Variants in FMO1 observed in about 807,000 individuals in gnomAD.
The protein encoded by FMO1 is flavin-containing monooxygenase 1.
FMO1 carries 36 observed loss-of-function variants against 45.4 expected under a neutral mutation model. That is an observed-to-expected ratio of 0.79 (90% confidence interval 0.61 to 1.05). FMO1 has a LOEUF of 1.05. Ranked by LOEUF, FMO1 falls within the 50% of genes least tolerant of loss-of-function variation. The pLI is 0.00. For synonymous variants in FMO1, 228 were observed against 227.2 expected (o/e 1.00, Z -0.03); for missense variants, 615 against 640.3 (o/e 0.96, Z 0.43).
intron 1 of FMO1, among the ~76,000 whole-genome samples, chr1:171,249,670 T>C (rs1446436306): frequency 6.6e-6 from 1 of 151,634 alleles, no homozygotes; most frequent in African/African-American, 2.4e-5. Context: ...AGTATTTTCA[T>C]GCACTAAGGT....
Position 171,278,801 on chromosome 1 carries a change from G to A in FMO1, c.557G>A (p.Arg186Lys). Residue 186 changes from arginine (R) to lysine (K), a missense_variant, in exon 5 of 9, where the codon AGA (arginine) becomes AAA (lysine). Transcript: ENST00000617670. Reference sequence around the variant, plus strand: ...CATCCAGATATATTTAAGGACAAGAGAGTCCTTGTGATTGGAATGGGAAAT... The same window carrying A: ...CATCCAGATATATTTAAGGACAAGAAAGTCCTTGTGATTGGAATGGGAAAT... ...YKHPDIFKDK[R>K]VLVIGMGNSG... 1 of 1,611,934 alleles carries A rather than the reference G, an allele frequency of 6.2e-7. No individual in the cohort carries two copies. Among genetic ancestry groups the A allele is most frequent in the Non-Finnish European group, 8.5e-7 (1 of 1,178,230 alleles).
intron 3 of FMO1, chr1:171,271,667 T>C: frequency 1.5e-6 from 1 of 675,544 alleles, no homozygotes; most frequent in Non-Finnish European, 2.6e-6. Flanking sequence ...GCTGTCTCTA[T>C]GGAGCTCAAT....
Position 171,267,409 on chromosome 1 carries a change from C to T in FMO1, c.133-134C>T, listed in dbSNP as rs1051533936. On this transcript the variant is annotated intron_variant, in intron 2 of 8. Transcript: ENST00000617670. ...TTGTCCATCATTCAAATAAATACTA[C>T]TTCCTGATTCTCATGTATTTCTATA... 5 of 571,250 alleles carry T rather than the reference C, an allele frequency of 8.8e-6. No individual in the cohort carries two copies. The African/African-American group carries it at 9.4e-5, about 11-fold the overall frequency. 35.4% of individuals were successfully genotyped at this position (571,250 alleles called of 1,614,324 possible).
chr1:171,256,178 C>A (rs1660142497), intron 1 of FMO1, among the ~76,000 whole-genome samples: 1 of 145,946 alleles, frequency 6.9e-6, no homozygotes, highest in African/African-American at 2.6e-5. Context: ...GAGGCTGAGG[C>A]AGGAGAATGG....
At chr1:171,275,239 T>C (rs768311720) in intron 3 of FMO1, 107 bp from the exon 4 acceptor site, 139 of 839,062 alleles carry the variant, frequency 1.7e-4, no homozygotes, top group Non-Finnish European at 2.4e-4. Context: ...TTATTAATTA[T>C]GTTTATTCTG....
chr1:171,270,766 C>A, intron 3 of FMO1: 5 of 996,722 alleles, frequency 5.0e-6, no homozygotes, highest in Non-Finnish European at 5.1e-6. Context: ...ATTGAAAACA[C>A]CACCAGGAGA....
At position 171,276,765 on chromosome 1, in the gene FMO1, C is replaced by T. The variant is rs141544182; in HGVS notation, c.484+1257C>T. 3.6e-3 allele frequency among the ~76,000 whole-genome samples: 546 copies of T among 152,230 alleles called. 3 individuals carry two copies. The highest frequency in any genetic ancestry group is 0.012 in the African/African-American group (502 of 41,526). On this transcript the variant is annotated intron_variant, in intron 4 of 8. Transcript: ENST00000617670. ...GTGATTCCAATACCCTAAACATACA[C>T]CTCTCATGGTCCTGGATTTGCCCCC...
intron 1 of FMO1, among the ~76,000 whole-genome samples, chr1:171,256,422 C>T (rs1038034836): frequency 1.3e-5 from 2 of 152,060 alleles, no homozygotes; most frequent in Non-Finnish European, 2.9e-5. Flanking sequence ...ACCCCCAATA[C>T]CCATACTTCA....
intron 1 of FMO1, among the ~76,000 whole-genome samples, chr1:171,257,295 G>T (rs2101798159): frequency 6.6e-6 from 1 of 152,248 alleles, no homozygotes; most frequent in Non-Finnish European, 1.5e-5. Flanking sequence ...TCTTACACAT[G>T]TGTGTTATTA....
In FMO1 at chr1:171,285,454, T is replaced by A. The variant is rs766120703; in HGVS notation, c.1509T>A (p.Val503=). The A allele has an allele frequency of 6.4e-7, 1 of 1,574,354 alleles. No individual in the cohort carries two copies. Among genetic ancestry groups the A allele is most frequent in the African/African-American group, 1.4e-5 (1 of 73,118 alleles). The part of the protein sequence containing the change: ...DRTFKVIKAR[V]VQESPSPFES... ...CATTCAAGGTCATCAAAGCTCGAGT[T>A]GTACAAGAGTCTCCATCTCCCTTTG... The change falls in exon 9 of 9, where the codon GTT becomes GTA. Residue 503 remains valine, a synonymous_variant. Transcript: ENST00000617670.
At chr1:171,275,154 T>C (rs1274510809) in intron 3 of FMO1, among the ~76,000 whole-genome samples, 192 bp from the exon 4 acceptor site, 1 of 152,190 alleles carries the variant, frequency 6.6e-6, no homozygotes, top group Non-Finnish European at 1.5e-5. Context: ...CTTAGATATC[T>C]CTCCAAGCTT....
intron 7 of FMO1, chr1:171,282,611 TTTTTTA>T (rs573301535): frequency 1.0e-3 from 296 of 295,606 alleles, no homozygotes; most frequent in Non-Finnish European, 1.5e-3. Context: ...ATATTTTTTC[TTTTTTA>T]TTTTTAAGAC....
intron 3 of FMO1, chr1:171,271,109 C>A (rs1660842416): frequency 2.3e-6 from 2 of 869,464 alleles, no homozygotes; most frequent in African/African-American, 1.7e-5. Context: ...GCTCAATATG[C>A]AGCAATATCC....
chr1:171,260,615 A>C (rs1203887968), intron 2 of FMO1, among the ~76,000 whole-genome samples: 2 of 152,048 alleles, frequency 1.3e-5, no homozygotes, highest in African/African-American at 4.8e-5. Context: ...GGGGTGGCAA[A>C]TGGGGTTGGA....
intron 1 of FMO1, among the ~76,000 whole-genome samples, chr1:171,252,542 T>C (rs75871292): frequency 0.02 from 3,020 of 152,352 alleles, 43 homozygotes; most frequent in Middle Eastern, 0.044. Context: ...GTTCTGTCCC[T>C]GAGCCCTGTG....
intron 3 of FMO1, 85 bp from the exon 4 acceptor site, chr1:171,275,261 T>A (rs1661059044): frequency 6.4e-6 from 7 of 1,100,964 alleles, no homozygotes; most frequent in Non-Finnish European, 9.4e-6. Context: ...GTTCTAGAAC[T>A]TTTAAAATAT....
chr1:171,267,048 G>A (rs1425344917), intron 2 of FMO1, among the ~76,000 whole-genome samples: 2 of 152,100 alleles, frequency 1.3e-5, no homozygotes, highest in South Asian at 2.1e-4. Flanking sequence ...CTACCTTACC[G>A]CCATCTCACA....
intron 1 of FMO1, chr1:171,257,854 C>T (rs562121071): frequency 1.8e-4 from 88 of 497,950 alleles, no homozygotes; most frequent in African/African-American, 1.0e-3. Context: ...GACAACTGTA[C>T]GAACATTTGG....
chr1:171,268,876 G>A (rs904596809), intron 3 of FMO1, among the ~76,000 whole-genome samples: 1 of 152,216 alleles, frequency 6.6e-6, no homozygotes, highest in Non-Finnish European at 1.5e-5. Context: ...TGTTGTGGGA[G>A]GGACTCAGTG....
Sources: allele counts gnomAD v4.1 joint callset (sites outside exome capture counted in the v4.1 genomes callset), GRCh38; gene constraint gnomAD v4.1.1; transcripts MANE v1.5; gene names NCBI Gene and HGNC (gene_info 2026-07-23, HGNC 2026-07-21).